FRMD5: variants seen among roughly 807,000 people sequenced by gnomAD.
The protein encoded by FRMD5 is FERM domain-containing protein 5.
FRMD5 carries 20 observed loss-of-function variants against 69.0 expected under a neutral mutation model. The observed-to-expected ratio is 0.29, with a 90% CI of 0.20 to 0.42. The LOEUF is 0.42. FRMD5 is among the 10% of genes least tolerant of loss of function. FRMD5 has a pLI of 1.00. For missense variants in FRMD5, 595 were observed against 708.6 expected (o/e 0.84, Z 1.82); for synonymous variants, 271 against 260.1 (o/e 1.04, Z -0.40).
At chr15:44,080,753 G>A (rs1266771939) in intron 1 of FRMD5, among the ~76,000 whole-genome samples, 1 of 152,028 alleles carries the variant, frequency 6.6e-6, no homozygotes, top group Non-Finnish European at 1.5e-5. Context: ...AACAGAACAG[G>A]TAGGTCTTCA....
At chr15:44,103,996 A>G (rs2076677788) in intron 1 of FRMD5, among the ~76,000 whole-genome samples, 4 of 152,350 alleles carry the variant, frequency 2.6e-5, no homozygotes, top group African/African-American at 9.6e-5. Flanking sequence ...ACACTTGATA[A>G]TAGCAATGAC....
chr15:43,919,443 A>G lies in FRMD5; in HGVS notation c.329+16T>C, dbSNP rs377110315. 135 of 1,611,514 alleles carry G rather than the reference A, an allele frequency of 8.4e-5. No homozygotes were observed. In the African/African-American group the frequency reaches 1.7e-3, roughly 20 times the overall value. On this transcript the variant is annotated intron_variant, in intron 4 of 13. Coordinates refer to ENST00000417257, the MANE Select transcript of FRMD5 (RefSeq NM_032892.5). ...CCAACAGGTCCTAATGGCTGCGGGA[A>G]GCATGTTCACCTCACCTGGTTATTT... is the stretch of plus-strand genomic sequence containing the variant.
chr15:44,191,019 G>A (rs2140611283), intron 1 of FRMD5, among the ~76,000 whole-genome samples: 1 of 152,164 alleles, frequency 6.6e-6, no homozygotes. Context: ...TCCAAATATT[G>A]GTTATACTAT....
At chr15:44,066,775 C>A (rs568653747) in intron 1 of FRMD5, among the ~76,000 whole-genome samples, 1 of 151,854 alleles carries the variant, frequency 6.6e-6, no homozygotes, top group Admixed American at 6.6e-5. Flanking sequence ...GAGTTGGAGG[C>A]CACTGAGAGG....
At chr15:44,068,730 T>C (rs1223856077) in intron 1 of FRMD5, among the ~76,000 whole-genome samples, 1 of 152,220 alleles carries the variant, frequency 6.6e-6, no homozygotes, top group African/African-American at 2.4e-5. Context: ...TTGTATACTT[T>C]AAACAGGCAA....
At chr15:44,097,644 T>C (rs2076573052) in intron 1 of FRMD5, among the ~76,000 whole-genome samples, 1 of 152,230 alleles carries the variant, frequency 6.6e-6, no homozygotes, top group African/African-American at 2.4e-5. Flanking sequence ...GAACCGTCTA[T>C]CTGTGTCTTG....
chr15:44,060,899 A>C (rs1449059041), intron 1 of FRMD5, among the ~76,000 whole-genome samples: 2 of 152,228 alleles, frequency 1.3e-5, no homozygotes, highest in Non-Finnish European at 2.9e-5. Flanking sequence ...CCTTAAAAAT[A>C]TATAGGCTCA....
At chr15:44,105,835 TTTC>T (rs2076709198) in intron 1 of FRMD5, among the ~76,000 whole-genome samples, 1 of 152,182 alleles carries the variant, frequency 6.6e-6, no homozygotes, top group Non-Finnish European at 1.5e-5. Flanking sequence ...TACCACACAA[TTTC>T]TTCTTATTAA....
chr15:44,109,578 C>T (rs200948614), intron 1 of FRMD5, among the ~76,000 whole-genome samples: 1 of 151,966 alleles, frequency 6.6e-6, no homozygotes, highest in Non-Finnish European at 1.5e-5. Context: ...AAACCCACCC[C>T]CAACTATTGA....
chr15:44,146,314 T>G (rs528753152), intron 1 of FRMD5, among the ~76,000 whole-genome samples: 1 of 152,312 alleles, frequency 6.6e-6, no homozygotes, highest in Non-Finnish European at 1.5e-5. Context: ...TCCATGTCCC[T>G]GCAAAGGACA....
At chr15:43,972,904 T>C (rs1359080758) in intron 1 of FRMD5, among the ~76,000 whole-genome samples, 1 of 152,230 alleles carries the variant, frequency 6.6e-6, no homozygotes, top group Non-Finnish European at 1.5e-5. Context: ...TTTCAGATAT[T>C]TGATACTATC....
chr15:44,007,339 T>A lies in FRMD5; in HGVS notation c.103-83030A>T, dbSNP rs1398085870. On this transcript the variant is annotated intron_variant, in intron 1 of 13. Coordinates refer to ENST00000417257, the MANE Select transcript of FRMD5 (RefSeq NM_032892.5). ...TTGCTTTATTGCACTATCCACTTTA[T>A]TGCGGTGGTCTGGAACTGATTCTGC... 5.9e-5 allele frequency among the ~76,000 whole-genome samples: 9 copies of A among 152,214 alleles called. No homozygotes were observed. In the South Asian group the frequency reaches 1.9e-3, roughly 31 times the overall value.
intron 1 of FRMD5, among the ~76,000 whole-genome samples, chr15:44,194,050 G>A (rs1230256991): frequency 6.6e-6 from 1 of 152,190 alleles, no homozygotes; most frequent in Non-Finnish European, 1.5e-5. Context: ...CGGGAGCATT[G>A]TCAATGTTTT....
intron 1 of FRMD5, among the ~76,000 whole-genome samples, chr15:43,994,030 T>C (rs1889810287): frequency 6.6e-6 from 1 of 152,214 alleles, no homozygotes; most frequent in Admixed American, 6.5e-5. Flanking sequence ...TTAAATTAAT[T>C]CAACCATTCC....
chr15:43,997,744 A>C (rs1015724596), intron 1 of FRMD5, among the ~76,000 whole-genome samples: 5 of 152,180 alleles, frequency 3.3e-5, no homozygotes, highest in Non-Finnish European at 5.9e-5. Flanking sequence ...ACGTCTATCT[A>C]TCTCTACTCT....
In FRMD5 at chr15:43,873,871, G is replaced by C; in HGVS notation, c.*14C>G. 2 of 1,610,370 alleles carry C rather than the reference G, an allele frequency of 1.2e-6. No homozygotes were observed. Among genetic ancestry groups the C allele is most frequent in the Non-Finnish European group, 1.7e-6 (2 of 1,177,344 alleles). ...TGGTCCACCTGGCTAGTTTTTGGGA[G>C]GAGTCATGCCTTCTCAGGTGTCAAT... On this transcript the variant is annotated 3_prime_UTR_variant, in exon 14 of 14. Transcript: ENST00000417257.
At chr15:43,962,751 G>A (rs1284209230) in intron 1 of FRMD5, among the ~76,000 whole-genome samples, 8 of 152,076 alleles carry the variant, frequency 5.3e-5, no homozygotes, top group African/African-American at 1.2e-4. Flanking sequence ...AAATAATGCC[G>A]CATATCTACA....
Position 43,991,455 on chromosome 15 carries a change from ACTG to A in FRMD5, c.103-67149_103-67147del, listed in dbSNP as rs981451861. Among the ~76,000 whole-genome samples, 3 of 152,298 alleles carry A rather than the reference ACTG, an allele frequency of 2.0e-5. No homozygotes were observed. The East Asian group carries it at 5.8e-4, about 29-fold the overall frequency. On this transcript the variant is annotated intron_variant, in intron 1 of 13. Coordinates refer to ENST00000417257, the MANE Select transcript of FRMD5 (RefSeq NM_032892.5). ...GGGACAGGTCTTTGCTGCTGCTGCT[ACTG>A]CTGCTGCTGCATTCTGTGCCCTCAG...
intron 11 of FRMD5, among the ~76,000 whole-genome samples, chr15:43,885,310 C>T (rs2088636203): frequency 6.6e-6 from 1 of 152,096 alleles, no homozygotes; most frequent in South Asian, 2.1e-4. Context: ...GTAGCTGGGA[C>T]TACAGGTGTG....
Sources: gnomAD v4.1 joint callset for allele counts (sites outside exome capture counted in the v4.1 genomes callset) on GRCh38, gnomAD v4.1.1 for gene constraint, MANE v1.5 for transcripts, NCBI Gene and HGNC (gene_info 2026-07-23, HGNC 2026-07-21) for gene names.